C12orf42: variants seen among roughly 807,000 people sequenced by gnomAD.
C12orf42 encodes chromosome 12 open reading frame 42, also known as uncharacterized protein C12orf42.
C12orf42 carries 25 observed loss-of-function variants against 21.6 expected under a neutral mutation model. The ratio of observed to expected loss-of-function variants is 1.16; its 90% CI spans 0.84 to 1.62. C12orf42 has a LOEUF of 1.62. Ranked by LOEUF, C12orf42 falls within the 40% of genes most tolerant of loss-of-function variation. The pLI is 0.00. For synonymous variants in C12orf42, 174 were observed against 175.0 expected (o/e 0.99, Z 0.05); for missense variants, 483 against 459.3 (o/e 1.05, Z -0.47).
chr12:103,380,945 AC>A (rs1411267453), intron 3 of C12orf42, among the ~76,000 whole-genome samples: 2 of 152,186 alleles, frequency 1.3e-5, no homozygotes, highest in African/African-American at 4.8e-5. Flanking sequence ...TATATAGGGT[AC>A]CTGATATTCA....
the C12orf42 span, among the ~76,000 whole-genome samples, chr12:103,194,485 T>C: frequency 6.6e-6 from 1 of 152,006 alleles, no homozygotes. Context: ...GGAAACAAAA[T>C]CAACATACAA....
intron 4 of C12orf42, among the ~76,000 whole-genome samples, chr12:103,326,511 C>A (rs1593446634): frequency 6.6e-6 from 1 of 152,100 alleles, no homozygotes; most frequent in African/African-American, 2.4e-5. Context: ...ATGATCTAGC[C>A]CCTTCCTACC....
the C12orf42 span, among the ~76,000 whole-genome samples, chr12:103,186,440 A>C: frequency 1.3e-5 from 2 of 152,192 alleles, no homozygotes; most frequent in Non-Finnish European, 2.9e-5. Context: ...TCATCCACGC[A>C]CTTAAAATTT....
At chr12:103,169,532 G>C in the C12orf42 span, among the ~76,000 whole-genome samples, 2 of 152,066 alleles carry the variant, frequency 1.3e-5, no homozygotes, top group Non-Finnish European at 2.9e-5. Context: ...AAGATCATAT[G>C]GTTAGTATGT....
the C12orf42 span, among the ~76,000 whole-genome samples, chr12:103,124,155 CTTTTTTTTTTTTTTTTT>C: frequency 1.6e-3 from 124 of 76,006 alleles, 2 homozygotes; most frequent in East Asian, 0.039. Flanking sequence ...CAAACATAAG[CTTTTTTTTTTTTTTTTT>C]TTTTTTTTTT....
intron 2 of C12orf42, among the ~76,000 whole-genome samples, chr12:103,476,347 C>G (rs1393352716): frequency 1.3e-5 from 2 of 152,230 alleles, no homozygotes; most frequent in Admixed American, 1.3e-4. Context: ...CACTTCGCCA[C>G]AGACCACAAG....
intron 10 of C12orf42, among the ~76,000 whole-genome samples, chr12:103,255,671 T>C (rs1273845009): frequency 6.6e-6 from 1 of 152,114 alleles, no homozygotes; most frequent in Non-Finnish European, 1.5e-5. Context: ...AAACCACCCA[T>C]ATTTTGATTT....
At chr12:103,395,582 G>T (rs1030827824) in intron 3 of C12orf42, among the ~76,000 whole-genome samples, 2 of 152,046 alleles carry the variant, frequency 1.3e-5, no homozygotes, top group Non-Finnish European at 2.9e-5. Context: ...CGATCTGCCC[G>T]CCTCGGCCTC....
At chr12:103,240,103 ATAT>A (rs1259043566) in intron 10 of C12orf42, among the ~76,000 whole-genome samples, 2 of 152,186 alleles carry the variant, frequency 1.3e-5, no homozygotes, top group African/African-American at 4.8e-5. Flanking sequence ...CATACAATAA[ATAT>A]TATTACTATC....
chr12:103,550,682 A>G, the C12orf42 span: 1 of 152,146 alleles, frequency 6.6e-6, no homozygotes, highest in Admixed American at 6.5e-5. Flanking sequence ...TTGAAAAATT[A>G]TCTCATTATT....
At chr12:103,170,092 C>T in the C12orf42 span, among the ~76,000 whole-genome samples, 1 of 152,110 alleles carries the variant, frequency 6.6e-6, no homozygotes, top group Non-Finnish European at 1.5e-5. Flanking sequence ...GGTGAACACT[C>T]CACTAATTTT....
At chr12:103,158,969 G>T in the C12orf42 span, among the ~76,000 whole-genome samples, 1 of 151,230 alleles carries the variant, frequency 6.6e-6, no homozygotes, top group African/African-American at 2.4e-5. Context: ...ATGAGTGAAA[G>T]GTGGTAGAAG....
chr12:103,399,128 T>C (rs886902569), intron 3 of C12orf42, among the ~76,000 whole-genome samples: 2 of 151,850 alleles, frequency 1.3e-5, no homozygotes, highest in South Asian at 4.1e-4. Flanking sequence ...TAATTTATAG[T>C]TTTAGTTTTA....
At chr12:103,549,281 A>G in the C12orf42 span, among the ~76,000 whole-genome samples, 1 of 152,140 alleles carries the variant, frequency 6.6e-6, no homozygotes, top group Non-Finnish European at 1.5e-5. Context: ...ATTTTTAAAC[A>G]ATTGTAGATA....
the C12orf42 span, among the ~76,000 whole-genome samples, chr12:103,176,590 T>A: frequency 5.3e-5 from 8 of 152,196 alleles, no homozygotes; most frequent in African/African-American, 1.9e-4. Context: ...ATAACAATCT[T>A]TTGTGGTATC....
At chr12:103,095,306 G>C in the C12orf42 span, among the ~76,000 whole-genome samples, 24 of 152,300 alleles carry the variant, frequency 1.6e-4, no homozygotes, top group African/African-American at 5.8e-4. Context: ...GGCCTTGCCT[G>C]TTCTGCCTCC....
chr12:103,434,070 C>A (rs573868465), intron 2 of C12orf42, among the ~76,000 whole-genome samples: 1 of 152,268 alleles, frequency 6.6e-6, no homozygotes, highest in South Asian at 2.1e-4. Flanking sequence ...ACATTGGTCA[C>A]CCAATTCTCT....
At chr12:103,145,620 C>T in the C12orf42 span, among the ~76,000 whole-genome samples, 10 of 152,008 alleles carry the variant, frequency 6.6e-5, no homozygotes, top group Non-Finnish European at 1.2e-4. Context: ...AACATCATCT[C>T]TAGAAATTTG....
chr12:103,428,284 G>A (rs936626237), intron 2 of C12orf42, among the ~76,000 whole-genome samples: 9 of 151,812 alleles, frequency 5.9e-5, no homozygotes, highest in African/African-American at 1.9e-4. Flanking sequence ...TGATAAAGGG[G>A]ATATCACCAC....
Sources: gnomAD v4.1 joint callset for allele counts (sites outside exome capture counted in the v4.1 genomes callset) on GRCh38, gnomAD v4.1.1 for gene constraint, MANE v1.5 for transcripts, NCBI Gene and HGNC (gene_info 2026-07-23, HGNC 2026-07-21) for gene names.